Variants in RETREG1 observed in about 807,000 individuals in gnomAD.
The protein encoded by RETREG1 is family with sequence similarity 134 member B.
A neutral mutation model predicts 54.8 loss-of-function variants in RETREG1; 44 were observed. That is an observed-to-expected ratio of 0.80 (90% CI 0.63 to 1.03). RETREG1 has a LOEUF of 1.03. RETREG1 is among the 50% of genes least tolerant of loss of function. The pLI is 0.00. For synonymous variants in RETREG1, 217 were observed against 238.5 expected (o/e 0.91, Z 0.83); for missense variants, 554 against 605.1 (o/e 0.92, Z 0.89).
intron 3 of RETREG1, among the ~76,000 whole-genome samples, chr5:16,486,333 C>T (rs1384320286): frequency 6.6e-6 from 1 of 152,086 alleles, no homozygotes; most frequent in Admixed American, 6.6e-5. Context: ...TTCTTCTGGA[C>T]CAAAAACAGG....
intron 1 of RETREG1, among the ~76,000 whole-genome samples, chr5:16,601,545 C>T (rs539854286): frequency 1.2e-4 from 19 of 152,084 alleles, no homozygotes; most frequent in African/African-American, 3.9e-4. Flanking sequence ...TACAGGCATG[C>T]GCCACCATAC....
chr5:16,586,132 G>A (rs183114404), intron 1 of RETREG1, among the ~76,000 whole-genome samples: 185 of 152,316 alleles, frequency 1.2e-3, no homozygotes, highest in South Asian at 1.7e-3. Context: ...TGGTAAGAGG[G>A]AAGAAAGAAA....
At chr5:16,490,911 G>C (rs971445263) in intron 3 of RETREG1, among the ~76,000 whole-genome samples, 1 of 152,160 alleles carries the variant, frequency 6.6e-6, no homozygotes. Context: ...AAGCGGCTTT[G>C]GTTCCCAGGT....
At chr5:16,490,550 C>A (rs965306297) in intron 3 of RETREG1, among the ~76,000 whole-genome samples, 16 of 152,270 alleles carry the variant, frequency 1.1e-4, no homozygotes, top group African/African-American at 3.9e-4. Context: ...TAGTGAACAG[C>A]ATCTTATAAA....
chr5:16,515,588 C>T (rs1309363802), intron 3 of RETREG1, among the ~76,000 whole-genome samples: 2 of 152,166 alleles, frequency 1.3e-5, no homozygotes, highest in Admixed American at 6.5e-5. Context: ...AGGTCACAAA[C>T]ATGACAACTG....
At chr5:16,533,234 A>G (rs924172378) in intron 3 of RETREG1, among the ~76,000 whole-genome samples, 1 of 152,080 alleles carries the variant, frequency 6.6e-6, no homozygotes, top group Non-Finnish European at 1.5e-5. Context: ...TAGTAGAGAC[A>G]GGGTTTCACT....
chr5:16,528,888 A>T (rs575735607), intron 3 of RETREG1, among the ~76,000 whole-genome samples: 3 of 152,276 alleles, frequency 2.0e-5, no homozygotes, highest in Admixed American at 6.5e-5. Context: ...CAGTAAGCAG[A>T]CAGATGAGCG....
chr5:16,610,532 A>G (rs1354251824), intron 1 of RETREG1, among the ~76,000 whole-genome samples: 3 of 152,208 alleles, frequency 2.0e-5, no homozygotes, highest in African/African-American at 7.2e-5. Flanking sequence ...AATATCCAGA[A>G]TCTACAAAGA....
chr5:16,536,779 T>C (rs1741086181), intron 3 of RETREG1, among the ~76,000 whole-genome samples: 1 of 152,194 alleles, frequency 6.6e-6, no homozygotes, highest in South Asian at 2.1e-4. Flanking sequence ...AGTCAACGGA[T>C]GCCTGAGATC....
At chr5:16,476,807 T>A (rs1738556567) in intron 8 of RETREG1, among the ~76,000 whole-genome samples, 1 of 152,138 alleles carries the variant, frequency 6.6e-6, no homozygotes, top group Non-Finnish European at 1.5e-5. Flanking sequence ...TAATCGATGC[T>A]GGGCTTAATA....
chr5:16,587,620 T>G (rs1742657947), intron 1 of RETREG1, among the ~76,000 whole-genome samples: 1 of 152,186 alleles, frequency 6.6e-6, no homozygotes, highest in Admixed American at 6.5e-5. Flanking sequence ...CAAGAACCCA[T>G]TCCAATATAC....
chr5:16,518,224 T>C (rs938560929), intron 3 of RETREG1, among the ~76,000 whole-genome samples: 3 of 147,968 alleles, frequency 2.0e-5, no homozygotes, highest in Non-Finnish European at 4.5e-5. Flanking sequence ...ATATTGACTA[T>C]ATATTTATAT....
rs916046088 is a variant in RETREG1, at chr5:16,585,691, T to C, written c.321-13589A>G. ...TATAAAGAAAAGAGATTTAACTGGC[T>C]CTTGGTTCTGCAGGCTGTACAGGAA... On this transcript the variant is annotated intron_variant, in intron 1 of 8. Coordinates refer to ENST00000306320, the MANE Select transcript of RETREG1 (RefSeq NM_001034850.3). This position sits in a 1 kb window ranked among gnomAD's most constrained non-coding sequence, Gnocchi z 4.5. Among the ~76,000 whole-genome samples, 12 of 152,120 alleles carry C rather than the reference T, an allele frequency of 7.9e-5. No individual in the cohort carries two copies. Among genetic ancestry groups the C allele is most frequent in the African/African-American group, 2.9e-4 (12 of 41,416 alleles).
chr5:16,549,887 T>G (rs1473567444), intron 3 of RETREG1, among the ~76,000 whole-genome samples: 2 of 152,198 alleles, frequency 1.3e-5, no homozygotes, highest in Non-Finnish European at 2.9e-5. Flanking sequence ...GTATTTTCTG[T>G]GTTCGTGAAA....
intron 8 of RETREG1, among the ~76,000 whole-genome samples, chr5:16,475,666 T>G (rs1448854948): frequency 1.3e-5 from 2 of 152,204 alleles, no homozygotes; most frequent in African/African-American, 4.8e-5. Context: ...TTTTGGTTAA[T>G]ATTATCCAGC....
At chr5:16,557,893 T>G in intron 3 of RETREG1, among the ~76,000 whole-genome samples, 1 of 152,140 alleles carries the variant, frequency 6.6e-6, no homozygotes, top group East Asian at 1.9e-4. Context: ...ATGTTGAAAT[T>G]TAATTGCCAT....
At chr5:16,580,663 GAAT>G (rs1742455455) in intron 1 of RETREG1, among the ~76,000 whole-genome samples, 1 of 152,160 alleles carries the variant, frequency 6.6e-6, no homozygotes, top group African/African-American at 2.4e-5. Flanking sequence ...GAAAGCTGCA[GAAT>G]AATTATCATG....
At chr5:16,568,911 G>A (rs1742095881) in intron 2 of RETREG1, among the ~76,000 whole-genome samples, 2 of 152,172 alleles carry the variant, frequency 1.3e-5, no homozygotes, top group African/African-American at 2.4e-5. Context: ...GAAAACGTGG[G>A]AAGCAGAGAA....
intron 3 of RETREG1, among the ~76,000 whole-genome samples, chr5:16,503,920 C>T (rs1739835067): frequency 6.6e-6 from 1 of 152,006 alleles, no homozygotes; most frequent in Admixed American, 6.6e-5. Flanking sequence ...TTTTAAGTCC[C>T]AGGGTACATG....
Sources: allele counts gnomAD v4.1 joint callset (sites outside exome capture counted in the v4.1 genomes callset), GRCh38; gene constraint gnomAD v4.1.1; non-coding constraint Gnocchi (gnomAD v3.1); transcripts MANE v1.5; gene names NCBI Gene and HGNC (gene_info 2026-07-23, HGNC 2026-07-21).